Variants in GALNT10 observed in about 807,000 individuals in gnomAD.
The protein encoded by GALNT10 is GalNAc transferase 10.
Under a neutral mutation model 75.0 loss-of-function variants are expected in GALNT10, and 41 were observed. That is an observed-to-expected ratio of 0.55 (90% CI 0.43 to 0.71). GALNT10 has a LOEUF of 0.71. GALNT10 is among the 30% of genes least tolerant of loss of function. The probability of loss-of-function intolerance (pLI) is 0.00; values close to 1 mark genes in which losing one functional copy is unlikely to be tolerated. For synonymous variants in GALNT10, 302 were observed against 313.0 expected (o/e 0.96, Z 0.37); for missense variants, 727 against 818.5 (o/e 0.89, Z 1.36).
chr5:154,363,104 G>A (rs1237353968), intron 4 of GALNT10, among the ~76,000 whole-genome samples: 1 of 152,160 alleles, frequency 6.6e-6, no homozygotes, highest in African/African-American at 2.4e-5. Flanking sequence ...AGAGCTACAT[G>A]TACTGTTATA....
chr5:154,246,168 A>G (rs181216188), intron 1 of GALNT10, among the ~76,000 whole-genome samples: 3,565 of 152,082 alleles, frequency 0.023, 82 homozygotes, highest in Non-Finnish European at 0.032. Context: ...ATAGTATTCC[A>G]TGGTGTATAT....
intron 3 of GALNT10, among the ~76,000 whole-genome samples, chr5:154,314,466 C>T (rs182677447): frequency 1.0e-3 from 156 of 152,244 alleles, no homozygotes; most frequent in African/African-American, 3.3e-3. Context: ...CATCTTTAAA[C>T]CAAGGAGCAC....
rs112177916 is a variant in GALNT10 at position 154,334,126 on chromosome 5, G to C, written c.568+4388G>C. Among the ~76,000 whole-genome samples the C allele has an allele frequency of 2.6e-5, 4 of 152,224 alleles. No individual in the cohort carries two copies. The South Asian group carries it at 6.2e-4, about 24-fold the overall frequency. On this transcript the variant is annotated intron_variant, in intron 4 of 11. Transcript: ENST00000297107. Reference sequence around the variant, plus strand: ...CTAGATTGGCACTGCCTAGGAGAAGGCATTTTCCTCTGAAATGAATCTCCT... The same window carrying C: ...CTAGATTGGCACTGCCTAGGAGAAGCCATTTTCCTCTGAAATGAATCTCCT...
chr5:154,381,353 G>A (rs1366642281), intron 6 of GALNT10, among the ~76,000 whole-genome samples: 2 of 152,190 alleles, frequency 1.3e-5, no homozygotes, highest in African/African-American at 4.8e-5. Context: ...GACAGAAATA[G>A]AGCCCAGCCC....
intron 4 of GALNT10, among the ~76,000 whole-genome samples, chr5:154,374,092 A>T (rs1254576674): frequency 2.6e-5 from 4 of 152,198 alleles, no homozygotes; most frequent in African/African-American, 9.7e-5. Flanking sequence ...CTGACCAAAC[A>T]GCAGCATATT....
At chr5:154,313,441 C>A (rs1754554445) in intron 3 of GALNT10, among the ~76,000 whole-genome samples, 1 of 152,104 alleles carries the variant, frequency 6.6e-6, no homozygotes. Context: ...CTCCTTGTAC[C>A]TGAAATCTCT....
intron 6 of GALNT10, among the ~76,000 whole-genome samples, chr5:154,384,237 C>G (rs962774946): frequency 1.3e-5 from 2 of 152,018 alleles, no homozygotes; most frequent in Non-Finnish European, 1.5e-5. Flanking sequence ...TCACTAGCAA[C>G]GTGGGATAGG....
intron 1 of GALNT10, among the ~76,000 whole-genome samples, chr5:154,226,354 G>T (rs918620735): frequency 1.3e-5 from 2 of 152,066 alleles, no homozygotes; most frequent in Non-Finnish European, 2.9e-5. Flanking sequence ...CATTCCTTCT[G>T]CCTGAAGCTT....
At chr5:154,385,912 T>C (rs1755800567) in intron 6 of GALNT10, among the ~76,000 whole-genome samples, 1 of 152,176 alleles carries the variant, frequency 6.6e-6, no homozygotes, top group South Asian at 2.1e-4. Flanking sequence ...GAGCTGTATA[T>C]TTTTTCATCT....
intron 1 of GALNT10, among the ~76,000 whole-genome samples, chr5:154,245,197 T>C (rs1380236892): frequency 6.6e-6 from 1 of 152,080 alleles, no homozygotes; most frequent in Non-Finnish European, 1.5e-5. Context: ...AGAGCCACCA[T>C]GGTGGCAGTG....
chr5:154,299,776 G>A (rs1426372482), intron 3 of GALNT10, among the ~76,000 whole-genome samples: 1 of 151,802 alleles, frequency 6.6e-6, no homozygotes, highest in Non-Finnish European at 1.5e-5. Context: ...GGGCCTCACT[G>A]TGCTTTCCCA....
At chr5:154,327,696 G>A (rs749259130) in intron 3 of GALNT10, among the ~76,000 whole-genome samples, 2 of 152,214 alleles carry the variant, frequency 1.3e-5, no homozygotes, top group African/African-American at 2.4e-5. Flanking sequence ...ATACTTTGGG[G>A]TGAACGAATA....
chr5:154,207,139 C>A (rs1434080971), intron 1 of GALNT10, among the ~76,000 whole-genome samples: 1 of 152,244 alleles, frequency 6.6e-6, no homozygotes, highest in African/African-American at 2.4e-5. Flanking sequence ...AACATACTCA[C>A]TCTAATTATC....
chr5:154,309,707 C>G (rs1228428913), intron 3 of GALNT10, among the ~76,000 whole-genome samples: 5 of 152,090 alleles, frequency 3.3e-5, no homozygotes, highest in Non-Finnish European at 7.4e-5. Context: ...GATGGAGTTG[C>G]CATCTGCAGG....
chr5:154,400,492 T>G (rs916743544), intron 7 of GALNT10, among the ~76,000 whole-genome samples: 3 of 152,094 alleles, frequency 2.0e-5, no homozygotes, highest in African/African-American at 7.2e-5. Flanking sequence ...CCCAGGAGGT[T>G]GGGTGCTCCA....
At chr5:154,399,758 C>A (rs1254140584) in intron 7 of GALNT10, among the ~76,000 whole-genome samples, 2 of 152,152 alleles carry the variant, frequency 1.3e-5, no homozygotes, top group Admixed American at 1.3e-4. Flanking sequence ...CACTGGGGGT[C>A]CAATGGCAAA....
chr5:154,353,967 C>A (rs1292285769), intron 4 of GALNT10, among the ~76,000 whole-genome samples: 1 of 152,144 alleles, frequency 6.6e-6, no homozygotes, highest in Non-Finnish European at 1.5e-5. Context: ...GCCACAATGC[C>A]AGATGCATAG....
intron 1 of GALNT10, among the ~76,000 whole-genome samples, chr5:154,223,567 C>T (rs1753015150): frequency 6.6e-6 from 1 of 152,208 alleles, no homozygotes; most frequent in South Asian, 2.1e-4. Flanking sequence ...AGCATTTGAG[C>T]TAGGCCTTGA....
At chr5:154,350,383 G>T (rs1288304413) in intron 4 of GALNT10, among the ~76,000 whole-genome samples, 1 of 152,160 alleles carries the variant, frequency 6.6e-6, no homozygotes, top group Non-Finnish European at 1.5e-5. Flanking sequence ...CTCCTACTCT[G>T]CTAGTGGGAG....
Sources: allele counts gnomAD v4.1 joint callset (sites outside exome capture counted in the v4.1 genomes callset), GRCh38; gene constraint gnomAD v4.1.1; transcripts MANE v1.5; gene names NCBI Gene and HGNC (gene_info 2026-07-23, HGNC 2026-07-21).